Variants in LOC128125817 observed in about 807,000 individuals in gnomAD.
At chr1:41,623,381 C>G in the LOC128125817 span, among the ~76,000 whole-genome samples, 1 of 152,216 alleles carries the variant, frequency 6.6e-6, no homozygotes, top group East Asian at 1.9e-4. Flanking sequence ...AGAGAGAGCA[C>G]TAAGCTTAGC....
chr1:41,595,076 G>A, the LOC128125817 span, among the ~76,000 whole-genome samples: 3 of 152,208 alleles, frequency 2.0e-5, no homozygotes, highest in Non-Finnish European at 2.9e-5. Flanking sequence ...GAATTTGTGG[G>A]AAAGGGACCC....
the LOC128125817 span, among the ~76,000 whole-genome samples, chr1:41,594,174 G>A: frequency 3.9e-5 from 6 of 152,266 alleles, no homozygotes; most frequent in Admixed American, 2.0e-4. Flanking sequence ...TAGTTTGGGG[G>A]TCCATTATTT....
At chr1:41,624,939 A>G in the LOC128125817 span, among the ~76,000 whole-genome samples, 89,416 of 151,356 alleles carry the variant, frequency 0.59, 27,185 homozygotes, top group African/African-American at 0.75. Flanking sequence ...GCCGAGGTGG[A>G]TGGATCACAA....
the LOC128125817 span, among the ~76,000 whole-genome samples, chr1:41,609,769 C>T: frequency 6.6e-6 from 1 of 152,274 alleles, no homozygotes; most frequent in African/African-American, 2.4e-5. Flanking sequence ...TGCCCTTTCC[C>T]TCCTAGACAT....
At chr1:41,627,898 T>C in the LOC128125817 span, among the ~76,000 whole-genome samples, 5 of 144,486 alleles carry the variant, frequency 3.5e-5, no homozygotes, top group African/African-American at 1.2e-4. Context: ...CTCCCTCCCT[T>C]CCTTCCTTCC....
chr1:41,594,703 G>A, the LOC128125817 span, among the ~76,000 whole-genome samples: 3,604 of 152,176 alleles, frequency 0.024, 67 homozygotes, highest in Middle Eastern at 0.082. Flanking sequence ...ATTAGTCTTA[G>A]CTGTACAGAA....
the LOC128125817 span, among the ~76,000 whole-genome samples, chr1:41,622,419 G>A: frequency 5.2e-4 from 79 of 152,276 alleles, no homozygotes; most frequent in East Asian, 0.013. Context: ...TGGAGATAAC[G>A]GGAACAGGCT....
chr1:41,618,856 C>T, the LOC128125817 span, among the ~76,000 whole-genome samples: 14 of 152,218 alleles, frequency 9.2e-5, no homozygotes, highest in Non-Finnish European at 1.6e-4. Context: ...TTATACCTCA[C>T]GTCCCATCTG....
the LOC128125817 span, among the ~76,000 whole-genome samples, chr1:41,593,243 C>T: frequency 6.6e-6 from 1 of 152,240 alleles, no homozygotes; most frequent in Admixed American, 6.5e-5. Context: ...TGCCCCTCCC[C>T]AGAGAAGCTA....
chr1:41,618,649 A>G, the LOC128125817 span, among the ~76,000 whole-genome samples: 1 of 151,772 alleles, frequency 6.6e-6, no homozygotes, highest in African/African-American at 2.4e-5. Context: ...TCACTTGTTC[A>G]AAGCCTTCCC....
chr1:41,610,555 G>A, the LOC128125817 span, among the ~76,000 whole-genome samples: 1 of 152,130 alleles, frequency 6.6e-6, no homozygotes, highest in African/African-American at 2.4e-5. Flanking sequence ...AGAGAGGGAC[G>A]GTTCCTGCAA....
the LOC128125817 span, among the ~76,000 whole-genome samples, chr1:41,593,125 CCTT>C: frequency 3.3e-3 from 509 of 152,336 alleles, 2 homozygotes; most frequent in Non-Finnish European, 5.4e-3. Context: ...GGAACTTTCT[CCTT>C]CTTTTAAACG....
chr1:41,618,887 G>C, the LOC128125817 span, among the ~76,000 whole-genome samples: 1 of 152,160 alleles, frequency 6.6e-6, no homozygotes, highest in Non-Finnish European at 1.5e-5. Flanking sequence ...ATGTTGGCTT[G>C]ACCTCAAAAT....
At chr1:41,609,747 C>T in the LOC128125817 span, among the ~76,000 whole-genome samples, 1 of 152,258 alleles carries the variant, frequency 6.6e-6, no homozygotes, top group Non-Finnish European at 1.5e-5. Context: ...ACGCCGTTCC[C>T]AATGGCTGAA....
At chr1:41,627,555 C>T in the LOC128125817 span, among the ~76,000 whole-genome samples, 1 of 152,198 alleles carries the variant, frequency 6.6e-6, no homozygotes, top group African/African-American at 2.4e-5. Flanking sequence ...GGCAGAGACA[C>T]AGGCTCTAGC....
the LOC128125817 span, among the ~76,000 whole-genome samples, chr1:41,627,002 T>C: frequency 6.6e-6 from 1 of 152,182 alleles, no homozygotes; most frequent in African/African-American, 2.4e-5. Flanking sequence ...CCAGACTCAC[T>C]GAGGTTTGGG....
the LOC128125817 span, among the ~76,000 whole-genome samples, chr1:41,595,727 G>T: frequency 6.6e-6 from 1 of 152,146 alleles, no homozygotes; most frequent in Non-Finnish European, 1.5e-5. Flanking sequence ...CTAATCAGCT[G>T]CCAGTGTGTC....
At chr1:41,607,718 G>A in the LOC128125817 span, among the ~76,000 whole-genome samples, 2 of 152,110 alleles carry the variant, frequency 1.3e-5, no homozygotes, top group African/African-American at 4.8e-5. Flanking sequence ...GTTAGGATAT[G>A]TATTAGGATA....
At chr1:41,596,243 G>A in the LOC128125817 span, among the ~76,000 whole-genome samples, 7 of 152,208 alleles carry the variant, frequency 4.6e-5, no homozygotes, top group African/African-American at 1.4e-4. Flanking sequence ...GAAAGCAGGT[G>A]GAAGGCACAA....
Sources: allele counts gnomAD v4.1 joint callset (sites outside exome capture counted in the v4.1 genomes callset), GRCh38; gene constraint gnomAD v4.1.1; transcripts MANE v1.5.